Variants in NAE1 observed in about 807,000 individuals in gnomAD.
NAE1 encodes NEDD8-activating enzyme E1 regulatory subunit.
NAE1 carries 59 observed loss-of-function variants against 88.0 expected under a neutral mutation model. The ratio of observed to expected loss-of-function variants is 0.67; its 90% confidence interval spans 0.54 to 0.83. The LOEUF (loss-of-function observed/expected upper bound fraction) is 0.83. Ranked by LOEUF, NAE1 falls within the 40% of genes least tolerant of loss-of-function variation. The probability of loss-of-function intolerance (pLI) is 0.00; values close to 1 mark genes in which losing one functional copy is unlikely to be tolerated. For missense variants in NAE1, 554 were observed against 632.8 expected, an observed-to-expected ratio of 0.88 and a Z score of 1.34; for synonymous variants, 186 against 208.9, an observed-to-expected ratio of 0.89 and a Z score of 0.95.
Position 66,826,677 on chromosome 16 carries a change from C to G in NAE1, c.157G>C (p.Gly53Arg). The G allele has an allele frequency of 6.2e-7, 1 of 1,613,918 alleles. No individual in the cohort carries two copies. The highest frequency in any genetic ancestry group is 8.5e-7 in the Non-Finnish European group (1 of 1,179,914). The change falls in exon 2 of 20, where the codon GGT becomes CGT. Residue 53 changes from glycine to arginine, a missense_variant and splice_region_variant. Coordinates refer to ENST00000290810, the MANE Select transcript of NAE1 (RefSeq NM_003905.4). ...TEILKNLVLP[G>R]IGSFTIIDGN... Reference sequence around the variant, plus strand: ...GAACACAACCACAAACCTACGTTACCTGGTAGTACCAAGTTTTTAAGAATT... The same window carrying G: ...GAACACAACCACAAACCTACGTTACGTGGTAGTACCAAGTTTTTAAGAATT...
At chr16:66,814,654 TG>T (rs1284712487) in intron 11 of NAE1, among the ~76,000 whole-genome samples, 2 of 151,094 alleles carry the variant, frequency 1.3e-5, no homozygotes, top group Non-Finnish European at 2.9e-5. Flanking sequence ...ATTCTACTGA[TG>T]GGTGGAAAAA....
At chr16:66,808,761 CATACAT>C in intron 16 of NAE1, 148 bp from the exon 17 acceptor site, 1 of 678,220 alleles carries the variant, frequency 1.5e-6, no homozygotes, top group Non-Finnish European at 2.5e-6. Context: ...GACTTTAACT[CATACAT>C]ATCACACAAT....
chr16:66,813,584 T>A lies in NAE1; in HGVS notation c.1014A>T (p.Lys338Asn). The change falls in exon 13 of 20, where the codon AAA (lysine) becomes AAT (asparagine). Residue 338 changes from lysine (K) to asparagine (N), a missense_variant. Physicochemically the swap from Lys to Asn is moderately conservative, Grantham distance 94 (BLOSUM62 0). Transcript: ENST00000290810. ...CATACACGTTTTGCAGTTTTATATA[T>A]TTGCCTGAATCTGCAATCATATCAG... is the stretch of plus-strand genomic sequence containing the variant. ...TIPDMIADSGKYIKLQNVYRE... is the reference protein window; with the variant it reads ...TIPDMIADSGNYIKLQNVYRE... The A allele has an allele frequency of 6.2e-7, 1 of 1,612,902 alleles. No homozygotes were observed. The highest frequency in any genetic ancestry group is 8.5e-7 in the Non-Finnish European group (1 of 1,179,522).
chr16:66,823,500 C>T lies in NAE1; in HGVS notation c.321+29G>A. ...TTATTTAAAAAATTGTATTTCAGCA[C>T]AGACATAATAATGTGTGTACATATA... is the stretch of plus-strand genomic sequence containing the variant. On this transcript the variant is annotated intron_variant, in intron 5 of 19. Transcript: ENST00000290810. 3 of 1,562,384 alleles carry T rather than the reference C, an allele frequency of 1.9e-6. No individual in the cohort carries two copies. In the South Asian group the frequency reaches 3.5e-5, roughly 18 times the overall value.
intron 10 of NAE1, 98 bp downstream of exon 10, chr16:66,816,867 A>G (rs761084390): frequency 8.6e-6 from 13 of 1,517,050 alleles, no homozygotes; most frequent in African/African-American, 4.2e-5. Flanking sequence ...TCATGATGCT[A>G]TCATCTGACA....
At chr16:66,822,376 G>A (rs1315035768) in intron 6 of NAE1, among the ~76,000 whole-genome samples, 3 of 152,110 alleles carry the variant, frequency 2.0e-5, no homozygotes, top group Admixed American at 1.3e-4. Flanking sequence ...TTTGAGATCA[G>A]CCTGGCCAAC....
chr16:66,822,719 A>T, intron 6 of NAE1, among the ~76,000 whole-genome samples: 1 of 140,866 alleles, frequency 7.1e-6, no homozygotes. Flanking sequence ...CAAGGGCTGG[A>T]GTGTAGTGGC....
intron 7 of NAE1, among the ~76,000 whole-genome samples, chr16:66,820,855 C>A: frequency 7.0e-6 from 1 of 143,878 alleles, no homozygotes; most frequent in Middle Eastern, 3.7e-3. Context: ...GAGCCAAGAT[C>A]GCGCCACTGC....
intron 1 of NAE1, among the ~76,000 whole-genome samples, chr16:66,828,357 G>A (rs1597052767): frequency 6.6e-6 from 1 of 152,050 alleles, no homozygotes; most frequent in African/African-American, 2.4e-5. Context: ...CAGGCACAGT[G>A]GCACGCACCT....
intron 13 of NAE1, among the ~76,000 whole-genome samples, chr16:66,812,355 ATTAC>A (rs1567489916): frequency 6.6e-6 from 1 of 152,078 alleles, no homozygotes; most frequent in Non-Finnish European, 1.5e-5. Flanking sequence ...TGTGTGTTAA[ATTAC>A]TTAATACATA....
intron 11 of NAE1, among the ~76,000 whole-genome samples, chr16:66,814,547 T>G (rs1054697848): frequency 3.3e-5 from 5 of 150,870 alleles, no homozygotes; most frequent in African/African-American, 1.2e-4. Context: ...GAGCAGTGAT[T>G]GTGTCACTGC....
intron 15 of NAE1, 70 bp from the exon 16 acceptor site, chr16:66,809,145 T>C: frequency 8.2e-7 from 1 of 1,213,566 alleles, no homozygotes; most frequent in South Asian, 1.3e-5. Context: ...CAGGTGACTT[T>C]AAGAACAGAG....
intron 3 of NAE1, chr16:66,825,954 C>T (rs550182340): frequency 6.5e-6 from 1 of 152,792 alleles, no homozygotes; most frequent in East Asian, 1.9e-4. Context: ...GGCATCAAAA[C>T]TAAATATGAA....
rs370972971 is a variant in NAE1 at position 66,818,598 on chromosome 16, C to T, written c.551G>A (p.Arg184Gln). The stretch of plus-strand genomic sequence containing the variant: ...CAGTTCAGGAAATGGCTTATCTAGT[C>T]GTAGATCCTCTAATGCATTATCTGG... ...SHPDNALEDL[R>Q]LDKPFPELRE... The change falls in exon 8 of 20, where the codon CGA (arginine) becomes CAA (glutamine). Residue 184 changes from arginine to glutamine, a missense_variant. Arg to Gln is a conservative substitution (Grantham distance 43). Coordinates refer to ENST00000290810, the MANE Select transcript of NAE1 (RefSeq NM_003905.4). 2.5e-6 allele frequency: 4 copies of T among 1,611,978 alleles called. No homozygotes were observed. Among genetic ancestry groups the T allele is most frequent in the African/African-American group, 2.7e-5 (2 of 74,572 alleles).
chr16:66,817,366 C>A, intron 9 of NAE1, 59 bp downstream of exon 9: 1 of 1,357,354 alleles, frequency 7.4e-7, no homozygotes, highest in South Asian at 1.2e-5. Context: ...TCAAGGAAAT[C>A]CTTTGTAAGA....
In NAE1 at chr16:66,818,623, G is replaced by A; in HGVS notation, c.526C>T (p.Pro176Ser). The A allele has an allele frequency of 6.2e-7, 1 of 1,606,190 alleles. No individual in the cohort carries two copies. Among genetic ancestry groups the A allele is most frequent in the Non-Finnish European group, 8.5e-7 (1 of 1,177,888 alleles). Residue 176 changes from proline to serine, a missense_variant, in exon 8 of 20, where the codon CCA (proline) becomes TCA (serine). Pro to Ser is a moderately conservative substitution (Grantham distance 74). Transcript: ENST00000290810. ...IKEHPVIESH[P>S]DNALEDLRLD... The stretch of plus-strand genomic sequence containing the variant: ...CGTAGATCCTCTAATGCATTATCTG[G>A]ATGAGATTCTATTACTGTGAAACAA...
intron 3 of NAE1, 64 bp from the exon 4 acceptor site, chr16:66,824,949 G>A: frequency 2.2e-6 from 3 of 1,383,802 alleles, no homozygotes; most frequent in African/African-American, 1.4e-5. Flanking sequence ...AAAGTTGTTT[G>A]TAATAGCATG....
At chr16:66,816,432 TG>T in intron 11 of NAE1, 148 bp downstream of exon 11, 1 of 623,866 alleles carries the variant, frequency 1.6e-6, no homozygotes, top group Non-Finnish European at 2.7e-6. Context: ...CCCAAAGTGC[TG>T]GGATGAGCCA....
In NAE1 at chr16:66,825,446, C is replaced by CA. The variant is rs1232878853; in HGVS notation, c.219-562dup. Among the ~76,000 whole-genome samples, 704 of 74,940 alleles carry CA rather than the reference C, an allele frequency of 9.4e-3. 1 individual carries two copies. The highest frequency in any genetic ancestry group is 0.021 in the Middle Eastern group (2 of 96). 49.2% of individuals were successfully genotyped at this position (74,940 alleles called of 152,430 possible). On this transcript the variant is annotated intron_variant, in intron 3 of 19. Transcript: ENST00000290810. ...TGGGCGACAGAGAAAGACTCCGTCT[C>CA]AAAAAAAAAAAAAAAAAGTTTGGGA...
Sources: allele counts gnomAD v4.1 joint callset (sites outside exome capture counted in the v4.1 genomes callset), GRCh38; gene constraint gnomAD v4.1.1; transcripts MANE v1.5; gene names NCBI Gene and HGNC (gene_info 2026-07-23, HGNC 2026-07-21).